Variants in KLF12 observed in about 807,000 individuals in gnomAD.
KLF12 encodes the protein Krueppel-like factor 12.
KLF12 carries 9 observed loss-of-function variants against 37.8 expected under a neutral mutation model. That is an observed-to-expected ratio of 0.24 (90% CI 0.14 to 0.42). The LOEUF is 0.42. Among genes scored for constraint, KLF12 ranks in the 10% least tolerant of loss-of-function variants. The probability of loss-of-function intolerance (pLI) is 1.00; values close to 1 mark genes in which losing one functional copy is unlikely to be tolerated. For missense variants in KLF12, 411 were observed against 516.0 expected (o/e 0.80, Z 1.97); for synonymous variants, 208 against 202.1 (o/e 1.03, Z -0.25).
At chr13:74,065,617 A>T (rs1235798114) in intron 1 of KLF12, among the ~76,000 whole-genome samples, 1 of 152,124 alleles carries the variant, frequency 6.6e-6, no homozygotes. Context: ...AGAGAAGTGG[A>T]TATACACAGA....
chr13:73,746,050 A>T (rs1367467145), intron 6 of KLF12, among the ~76,000 whole-genome samples: 2 of 141,762 alleles, frequency 1.4e-5, no homozygotes, highest in Non-Finnish European at 3.0e-5. Flanking sequence ...GCTGGTAAAG[A>T]TCTACAAAGG....
the KLF12 span, among the ~76,000 whole-genome samples, chr13:74,146,287 A>G: frequency 0.67 from 101,646 of 152,190 alleles, 39,544 homozygotes; most frequent in East Asian, 0.89. Context: ...CATGTTGTTG[A>G]CCTTCACTAA....
At chr13:73,919,262 C>T (rs2139205564) in intron 3 of KLF12, among the ~76,000 whole-genome samples, 1 of 152,282 alleles carries the variant, frequency 6.6e-6, no homozygotes, top group Non-Finnish European at 1.5e-5. Flanking sequence ...ATGAAAATTC[C>T]TAGAATGGTT....
chr13:74,268,344 G>A, the KLF12 span, among the ~76,000 whole-genome samples: 2 of 152,116 alleles, frequency 1.3e-5, no homozygotes, highest in African/African-American at 4.8e-5. Context: ...GATATGGACT[G>A]GATTTGTTTT....
chr13:74,044,697 T>A (rs541359055), intron 1 of KLF12, among the ~76,000 whole-genome samples: 1 of 151,658 alleles, frequency 6.6e-6, no homozygotes, highest in Admixed American at 6.6e-5. Context: ...TACAAAAAAT[T>A]TGCCAGATGT....
chr13:73,966,678 A>C (rs1209078862), intron 2 of KLF12, among the ~76,000 whole-genome samples: 1 of 152,170 alleles, frequency 6.6e-6, no homozygotes, highest in Non-Finnish European at 1.5e-5. Flanking sequence ...ATTTGCCCCC[A>C]ATCTTCCACA....
intron 1 of KLF12, among the ~76,000 whole-genome samples, chr13:74,032,154 A>C (rs540341341): frequency 4.6e-5 from 7 of 152,336 alleles, no homozygotes; most frequent in South Asian, 2.1e-4. Flanking sequence ...CAGTTTGGAA[A>C]GTGAAAATAA....
At chr13:74,020,612 T>C (rs1436181842) in intron 1 of KLF12, among the ~76,000 whole-genome samples, 1 of 152,100 alleles carries the variant, frequency 6.6e-6, no homozygotes, top group Admixed American at 6.5e-5. Flanking sequence ...AATGGAAGGC[T>C]GGGCGCAGTG....
At chr13:73,771,118 C>T (rs1880240046) in intron 5 of KLF12, among the ~76,000 whole-genome samples, 1 of 152,116 alleles carries the variant, frequency 6.6e-6, no homozygotes, top group African/African-American at 2.4e-5. Flanking sequence ...TGTAAGATGC[C>T]CTCCCTAACC....
At chr13:74,139,850 T>G in the KLF12 span, among the ~76,000 whole-genome samples, 1 of 152,072 alleles carries the variant, frequency 6.6e-6, no homozygotes, top group African/African-American at 2.4e-5. Flanking sequence ...ATATGAGATC[T>G]GAACTATAGG....
chr13:74,115,651 G>A (rs1288134066), intron 1 of KLF12, among the ~76,000 whole-genome samples: 1 of 150,974 alleles, frequency 6.6e-6, no homozygotes, highest in African/African-American at 2.4e-5. Flanking sequence ...GTTGCAGTGA[G>A]TCAAGATCAT....
At chr13:74,009,031 A>G (rs1892482644) in intron 1 of KLF12, among the ~76,000 whole-genome samples, 1 of 152,226 alleles carries the variant, frequency 6.6e-6, no homozygotes, top group African/African-American at 2.4e-5. Context: ...TGTGAATGCA[A>G]CAGTAGCTGA....
chr13:73,987,536 T>C (rs1891855002), intron 2 of KLF12, among the ~76,000 whole-genome samples: 1 of 150,620 alleles, frequency 6.6e-6, no homozygotes, highest in Non-Finnish European at 1.5e-5. Context: ...AGAACCACTA[T>C]AATCAAGTGG....
At chr13:73,755,711 C>T (rs1879113203) in intron 6 of KLF12, among the ~76,000 whole-genome samples, 1 of 151,720 alleles carries the variant, frequency 6.6e-6, no homozygotes, top group African/African-American at 2.4e-5. Flanking sequence ...GATTTTGGTG[C>T]ACCCATCACC....
chr13:73,848,605 CATATATA>C (rs1885153063), intron 3 of KLF12, among the ~76,000 whole-genome samples: 1 of 147,966 alleles, frequency 6.8e-6, no homozygotes, highest in Admixed American at 6.8e-5. Context: ...ATACATATAG[CATATATA>C]ATATATAGCT....
At chr13:74,152,476 T>C in the KLF12 span, among the ~76,000 whole-genome samples, 219 of 152,354 alleles carry the variant, frequency 1.4e-3, no homozygotes, top group South Asian at 2.7e-3. Context: ...TTTGTTGTTG[T>C]TGTTTGCTAG....
chr13:74,162,010 A>T, the KLF12 span, among the ~76,000 whole-genome samples: 81,480 of 152,072 alleles, frequency 0.54, 22,311 homozygotes, highest in Middle Eastern at 0.64. Context: ...ATAAGAAAAT[A>T]TTTAGACTAT....
intron 1 of KLF12, among the ~76,000 whole-genome samples, chr13:74,017,258 T>TAAAAA (rs56321692): frequency 2.2e-5 from 1 of 45,606 alleles, no homozygotes; most frequent in Admixed American, 2.9e-4. Context: ...GCCCTCAACC[T>TAAAAA]AAAAAAAAAA....
chr13:74,173,087 C>A, the KLF12 span, among the ~76,000 whole-genome samples: 4 of 152,280 alleles, frequency 2.6e-5, no homozygotes, highest in African/African-American at 7.2e-5. Flanking sequence ...TTATTACTAG[C>A]ATATCCAATA....
Sources: allele counts gnomAD v4.1 joint callset (sites outside exome capture counted in the v4.1 genomes callset), GRCh38; gene constraint gnomAD v4.1.1; transcripts MANE v1.5; gene names NCBI Gene and HGNC (gene_info 2026-07-23, HGNC 2026-07-21).